PPP3CA: variants seen among roughly 807,000 people sequenced by gnomAD.
PPP3CA encodes the protein protein phosphatase 3 catalytic subunit alpha.
A neutral mutation model predicts 66.5 loss-of-function variants in PPP3CA; 14 were observed. The observed-to-expected ratio is 0.21, with a 90% CI of 0.14 to 0.33. PPP3CA has a LOEUF of 0.33. PPP3CA is among the 10% of genes least tolerant of loss of function. The pLI is 1.00. For synonymous variants in PPP3CA, 232 were observed against 226.2 expected, an observed-to-expected ratio of 1.03 and a Z score of -0.23; for missense variants, 317 against 639.5, an observed-to-expected ratio of 0.50 and a Z score of 5.44.
intron 1 of PPP3CA, among the ~76,000 whole-genome samples, chr4:101,342,283 A>G (rs953573785): frequency 2.6e-5 from 4 of 152,168 alleles, no homozygotes; most frequent in Admixed American, 2.6e-4. Flanking sequence ...TATTATCTTC[A>G]AAATGTTGAT....
chr4:101,048,298 T>C (rs1258556172), intron 10 of PPP3CA, among the ~76,000 whole-genome samples: 1 of 152,020 alleles, frequency 6.6e-6, no homozygotes, highest in Non-Finnish European at 1.5e-5. Context: ...TCCTTTTAAC[T>C]CCTCTTGAAA....
intron 2 of PPP3CA, among the ~76,000 whole-genome samples, chr4:101,139,397 C>T (rs1722725626): frequency 6.6e-6 from 1 of 150,798 alleles, no homozygotes; most frequent in Admixed American, 6.6e-5. Context: ...TTTTGGCTGA[C>T]CAGTGATAGG....
intron 2 of PPP3CA, among the ~76,000 whole-genome samples, chr4:101,134,861 A>G (rs976054768): frequency 6.6e-6 from 1 of 152,228 alleles, no homozygotes; most frequent in Non-Finnish European, 1.5e-5. Context: ...TGGATAAAGA[A>G]AATGTGGCAC....
intron 2 of PPP3CA, among the ~76,000 whole-genome samples, chr4:101,151,155 C>T (rs548425821): frequency 5.3e-4 from 80 of 152,210 alleles, no homozygotes; most frequent in African/African-American, 1.7e-3. Context: ...GCACACAGAC[C>T]GTGACCATGG....
intron 1 of PPP3CA, among the ~76,000 whole-genome samples, chr4:101,284,297 G>A (rs1464160649): frequency 1.3e-5 from 2 of 152,040 alleles, no homozygotes; most frequent in East Asian, 1.9e-4. Context: ...TGGAGTTAAC[G>A]TTACTTCAAA....
rs1277236268 is a variant in PPP3CA, at chr4:101,347,501, G to C, written c.-705C>G. On this transcript the variant is annotated 5_prime_UTR_variant, in exon 1 of 14. Transcript: ENST00000394854. Reference sequence around the variant, plus strand: ...TCACCAAGGCACAGCCGCCGAGCTCGGCAGACACAGTCCCGGGCACAACCT... The same window carrying C: ...TCACCAAGGCACAGCCGCCGAGCTCCGCAGACACAGTCCCGGGCACAACCT... The C allele has an allele frequency of 2.5e-5, 4 of 160,984 alleles. No homozygotes were observed. The highest frequency in any genetic ancestry group is 2.8e-4 in the South Asian group (2 of 7,170). 10.0% of individuals were successfully genotyped at this position (160,984 alleles called of 1,614,324 possible).
At chr4:101,225,804 T>C (rs1340874970) in intron 1 of PPP3CA, among the ~76,000 whole-genome samples, 2 of 151,740 alleles carry the variant, frequency 1.3e-5, no homozygotes, top group Non-Finnish European at 2.9e-5. Flanking sequence ...GGGATACAGG[T>C]AGATTTAATA....
chr4:101,180,534 G>A (rs1402610004), intron 2 of PPP3CA, among the ~76,000 whole-genome samples: 1 of 152,060 alleles, frequency 6.6e-6, no homozygotes, highest in East Asian at 1.9e-4. Flanking sequence ...ATAATTGTAT[G>A]CCTTAAATTT....
At chr4:101,178,655 G>A (rs529767933) in intron 2 of PPP3CA, among the ~76,000 whole-genome samples, 8 of 151,860 alleles carry the variant, frequency 5.3e-5, no homozygotes, top group Admixed American at 2.0e-4. Context: ...AGTCAACTCC[G>A]AAACCTCTAA....
chr4:101,344,799 CAG>C (rs1729927257), intron 1 of PPP3CA, among the ~76,000 whole-genome samples: 1 of 152,168 alleles, frequency 6.6e-6, no homozygotes, highest in African/African-American at 2.4e-5. Flanking sequence ...TGATTTAAAA[CAG>C]GGAATGTGAC....
intron 1 of PPP3CA, among the ~76,000 whole-genome samples, chr4:101,266,083 C>T (rs1409979264): frequency 1.3e-5 from 2 of 152,112 alleles, no homozygotes; most frequent in Non-Finnish European, 2.9e-5. Context: ...GGTTTATTTA[C>T]TTTCTTACCA....
At chr4:101,292,761 G>C (rs893616153) in intron 1 of PPP3CA, among the ~76,000 whole-genome samples, 1 of 152,104 alleles carries the variant, frequency 6.6e-6, no homozygotes, top group African/African-American at 2.4e-5. Flanking sequence ...AAAAACAAGG[G>C]GTTGGGTGGA....
intron 1 of PPP3CA, among the ~76,000 whole-genome samples, chr4:101,240,204 A>C (rs1441262554): frequency 1.3e-5 from 2 of 152,034 alleles, no homozygotes; most frequent in African/African-American, 4.8e-5. Context: ...ACAACAGTTA[A>C]GATTGTGAGT....
chr4:101,175,029 C>T (rs1724013945), intron 2 of PPP3CA, among the ~76,000 whole-genome samples: 1 of 151,538 alleles, frequency 6.6e-6, no homozygotes, highest in Non-Finnish European at 1.5e-5. Context: ...CTTAAAGTCC[C>T]GAAAAATATT....
chr4:101,312,917 G>A (rs1728772487), intron 1 of PPP3CA, among the ~76,000 whole-genome samples: 2 of 152,058 alleles, frequency 1.3e-5, no homozygotes, highest in South Asian at 2.1e-4. Context: ...GGCTACAGAA[G>A]GCAAAAAATA....
In PPP3CA at chr4:101,076,936, C is replaced by T. The variant is rs377217186; in HGVS notation, c.955+3596G>A. Among the ~76,000 whole-genome samples, 8 of 152,266 alleles carry T rather than the reference C, an allele frequency of 5.3e-5. No homozygotes were observed. In the South Asian group the frequency reaches 8.3e-4, roughly 16 times the overall value. ...ATCTCATAGCAATGCCACTGCATGT[C>T]CAATAAATTTACATGAGTTAGTTGC... is the stretch of plus-strand genomic sequence containing the variant. On this transcript the variant is annotated intron_variant, in intron 8 of 13. Transcript: ENST00000394854.
chr4:101,149,031 A>G (rs967337687), intron 2 of PPP3CA, among the ~76,000 whole-genome samples: 1 of 152,148 alleles, frequency 6.6e-6, no homozygotes, highest in Non-Finnish European at 1.5e-5. Context: ...AGTTTCCTAT[A>G]TTTTAAAAAG....
intron 1 of PPP3CA, among the ~76,000 whole-genome samples, chr4:101,299,684 G>C (rs1359638871): frequency 6.6e-6 from 1 of 152,078 alleles, no homozygotes; most frequent in Non-Finnish European, 1.5e-5. Flanking sequence ...AATGCTAAAG[G>C]ACAGACACTT....
chr4:101,193,812 G>A (rs967530129), intron 2 of PPP3CA, among the ~76,000 whole-genome samples: 1 of 152,100 alleles, frequency 6.6e-6, no homozygotes, highest in African/African-American at 2.4e-5. Context: ...AAGAATGAAG[G>A]AATATCTAGA....
Sources: allele counts gnomAD v4.1 joint callset (sites outside exome capture counted in the v4.1 genomes callset), GRCh38; gene constraint gnomAD v4.1.1; transcripts MANE v1.5; gene names NCBI Gene and HGNC (gene_info 2026-07-23, HGNC 2026-07-21).